The following LRBA variants were observed in gnomAD, a reference collection of about 807,000 sequenced individuals.
LRBA encodes the protein lipopolysaccharide-responsive and beige-like anchor protein.
A neutral mutation model predicts 330.0 loss-of-function variants in LRBA; 176 were observed. That is an observed-to-expected ratio of 0.53 (90% CI 0.47 to 0.60). The LOEUF is 0.60. Among genes scored for constraint, LRBA ranks in the 20% least tolerant of loss-of-function variants. LRBA has a pLI of 0.00. For missense variants in LRBA, 3,259 were observed against 3,444.8 expected (o/e 0.95, Z 1.35); for synonymous variants, 1,230 against 1,193.0 (o/e 1.03, Z -0.64).
At chr4:150,292,312 TGTA>T (rs969540869) in intron 53 of LRBA, among the ~76,000 whole-genome samples, 1 of 152,180 alleles carries the variant, frequency 6.6e-6, no homozygotes, top group Non-Finnish European at 1.5e-5. Flanking sequence ...CTGGCAAACT[TGTA>T]GTTACTTTAT....
chr4:150,841,613 T>C (rs1749085155), intron 28 of LRBA, among the ~76,000 whole-genome samples: 1 of 152,124 alleles, frequency 6.6e-6, no homozygotes. Flanking sequence ...GTCGTCGATC[T>C]TAGGTCATTT....
chr4:150,991,086 A>AAAGAGGAGG (rs1742029703), intron 2 of LRBA, among the ~76,000 whole-genome samples: 1 of 152,014 alleles, frequency 6.6e-6, no homozygotes, highest in African/African-American at 2.4e-5. Context: ...CGAAGAAGAA[A>AAAGAGGAGG]AAGAGGAGGA....
At position 151,005,538 on chromosome 4, in the gene LRBA, C is replaced by T. The variant is rs574843105; in HGVS notation, c.216+8889G>A. Among the ~76,000 whole-genome samples the T allele has an allele frequency of 2.0e-3, 276 of 138,666 alleles. 1 individual carries two copies. Among genetic ancestry groups the T allele is most frequent in the African/African-American group, 7.4e-3 (269 of 36,436 alleles). 91.0% of individuals were successfully genotyped at this position (138,666 alleles called of 152,430 possible). On this transcript the variant is annotated intron_variant, in intron 2 of 56. Coordinates refer to ENST00000651943, the MANE Select transcript of LRBA (RefSeq NM_001364905.1). ...ACTATACAGAGTAGATTATAAGAGA[C>T]TTTTGAAAATAATGACACTGTTCTT...
chr4:150,804,270 C>A (rs1265599806), intron 33 of LRBA, among the ~76,000 whole-genome samples: 2 of 152,102 alleles, frequency 1.3e-5, no homozygotes, highest in African/African-American at 4.8e-5. Context: ...CTTCTAAAAT[C>A]TGAACTTTCT....
chr4:150,746,507 C>CTTTT (rs923454215), intron 35 of LRBA, among the ~76,000 whole-genome samples: 9 of 136,484 alleles, frequency 6.6e-5, no homozygotes, highest in African/African-American at 1.1e-4. Flanking sequence ...GTTTCTCTTA[C>CTTTT]TTTTTTTTTT....
chr4:150,618,195 A>C (rs1180859283), intron 37 of LRBA, among the ~76,000 whole-genome samples: 1 of 152,072 alleles, frequency 6.6e-6, no homozygotes, highest in African/African-American at 2.4e-5. Flanking sequence ...TCTGCAAATT[A>C]CTATTGTTGA....
intron 37 of LRBA, among the ~76,000 whole-genome samples, chr4:150,676,236 GACA>G (rs1246790654): frequency 6.6e-6 from 1 of 152,088 alleles, no homozygotes; most frequent in East Asian, 1.9e-4. Context: ...ATTAGAGAAA[GACA>G]ACATTTTAAA....
At chr4:150,574,116 T>C (rs1485888668) in intron 40 of LRBA, among the ~76,000 whole-genome samples, 2 of 152,130 alleles carry the variant, frequency 1.3e-5, no homozygotes. Context: ...TATTTTTCTA[T>C]ATACAGGAAC....
At chr4:150,848,380 TA>T (rs1036489540) in intron 26 of LRBA, among the ~76,000 whole-genome samples, 5 of 152,006 alleles carry the variant, frequency 3.3e-5, no homozygotes, top group African/African-American at 1.2e-4. Flanking sequence ...TTGTGTTTTT[TA>T]ATCACCTTAA....
chr4:150,615,699 T>C lies in LRBA; in HGVS notation c.5922-16568A>G, dbSNP rs367606928. Among the ~76,000 whole-genome samples, 5 of 152,252 alleles carry C rather than the reference T, an allele frequency of 3.3e-5. No homozygotes were observed. The South Asian group carries it at 6.2e-4, about 19-fold the overall frequency. On this transcript the variant is annotated intron_variant, in intron 37 of 56. Coordinates refer to ENST00000651943, the MANE Select transcript of LRBA (RefSeq NM_001364905.1). The stretch of plus-strand genomic sequence containing the variant: ...TTATTCAGGGTGCCTATTAGAAATC[T>C]GGGGCAGAAAAGGGCTAACTATTTG...
At chr4:150,767,804 G>A (rs1333702116) in intron 34 of LRBA, among the ~76,000 whole-genome samples, 2 of 134,318 alleles carry the variant, frequency 1.5e-5, no homozygotes, top group East Asian at 2.2e-4. Flanking sequence ...TGGCTCACAC[G>A]TGTAATTCCA....
intron 37 of LRBA, among the ~76,000 whole-genome samples, chr4:150,639,360 T>TAAAAAAAAAAAAAAAAAAAAAAAAAA (rs371245495): frequency 9.4e-6 from 1 of 106,694 alleles, no homozygotes; most frequent in Non-Finnish European, 1.8e-5. Flanking sequence ...TAAAGTATAA[T>TAAAAAAAAAAAAAAAAAAAAAAAAAA]AAAAAAAAAA....
intron 2 of LRBA, among the ~76,000 whole-genome samples, chr4:151,009,983 A>T (rs1004063164): frequency 2.6e-5 from 4 of 151,092 alleles, no homozygotes; most frequent in East Asian, 1.9e-4. Context: ...CCATCTCAAA[A>T]AAATAAATAA....
At chr4:150,443,276 G>A (rs1049382453) in intron 44 of LRBA, among the ~76,000 whole-genome samples, 5 of 152,016 alleles carry the variant, frequency 3.3e-5, no homozygotes, top group Admixed American at 6.6e-5. Context: ...CAACCATTGT[G>A]GAAGGCAGGG....
At chr4:150,865,773 T>C (rs1435983334) in intron 22 of LRBA, among the ~76,000 whole-genome samples, 1 of 150,762 alleles carries the variant, frequency 6.6e-6, no homozygotes, top group Non-Finnish European at 1.5e-5. Flanking sequence ...TAGAGTACAA[T>C]GGCTCTATCT....
intron 40 of LRBA, among the ~76,000 whole-genome samples, chr4:150,550,015 A>T (rs1401167384): frequency 6.6e-6 from 1 of 152,212 alleles, no homozygotes; most frequent in Non-Finnish European, 1.5e-5. Context: ...GTGTGTAAAT[A>T]AAAAAATACA....
intron 40 of LRBA, among the ~76,000 whole-genome samples, chr4:150,567,371 T>C (rs72736314): frequency 2.0e-5 from 3 of 151,962 alleles, no homozygotes; most frequent in Admixed American, 6.6e-5. Flanking sequence ...AAGAAAAAGG[T>C]AGGTGATATA....
In LRBA at chr4:150,867,998, A is replaced by G. The variant is rs566600527; in HGVS notation, c.2574-135T>C. ...AAACACATTTAGTTATACATTAAGA[A>G]CAATTCGACAATGTGGTACTAAAAA... On this transcript the variant is annotated intron_variant, in intron 21 of 56. Transcript: ENST00000651943. The G allele has an allele frequency of 1.1e-5, 10 of 891,032 alleles. No individual in the cohort carries two copies. In the South Asian group the frequency reaches 1.2e-4, roughly 10 times the overall value. 55.2% of individuals were successfully genotyped at this position (891,032 alleles called of 1,614,324 possible).
intron 47 of LRBA, among the ~76,000 whole-genome samples, chr4:150,352,570 C>A (rs1737321355): frequency 6.6e-6 from 1 of 152,042 alleles, no homozygotes; most frequent in Admixed American, 6.5e-5. Flanking sequence ...ATTTATTAAA[C>A]AGATATGACA....
Sources: allele counts gnomAD v4.1 joint callset (sites outside exome capture counted in the v4.1 genomes callset), GRCh38; gene constraint gnomAD v4.1.1; transcripts MANE v1.5; gene names NCBI Gene and HGNC (gene_info 2026-07-23, HGNC 2026-07-21).